The following IFI44 variants were observed in gnomAD, a reference collection of about 807,000 sequenced individuals.
IFI44 encodes the protein interferon-induced protein 44.
IFI44 carries 42 observed loss-of-function variants against 45.0 expected under a neutral mutation model. The ratio of observed to expected loss-of-function variants is 0.93; its 90% confidence interval spans 0.73 to 1.21. The LOEUF (loss-of-function observed/expected upper bound fraction) is 1.21. IFI44 is among the 50% of genes most tolerant of loss of function. The pLI is 0.00. For synonymous variants in IFI44, 221 were observed against 188.6 expected (o/e 1.17, Z -1.41); for missense variants, 623 against 525.8 (o/e 1.18, Z -1.81).
At chr1:78,651,051 G>A (rs1012446228) in intron 2 of IFI44, among the ~76,000 whole-genome samples, 1 of 152,152 alleles carries the variant, frequency 6.6e-6, no homozygotes, top group African/African-American at 2.4e-5. Flanking sequence ...AGAATCCATG[G>A]TGATGTTAAG....
intron 2 of IFI44, among the ~76,000 whole-genome samples, chr1:78,651,978 G>A (rs1647131228): frequency 6.6e-6 from 1 of 152,120 alleles, no homozygotes; most frequent in South Asian, 2.1e-4. Flanking sequence ...CAGAAAAATA[G>A]GCAGGGGTTT....
At chr1:78,651,456 T>C (rs1327169573) in intron 2 of IFI44, among the ~76,000 whole-genome samples, 1 of 152,134 alleles carries the variant, frequency 6.6e-6, no homozygotes, top group Non-Finnish European at 1.5e-5. Context: ...GTTCAGGCTG[T>C]AATATGAGCA....
At position 78,650,350 on chromosome 1, in the gene IFI44, CA is replaced by C; in HGVS notation, c.156del (p.Val53Ter). ...TGTTGTAATCAAGGGCCTACTCTAA[CA>C]GTGATTTATAGTGAAGATCATATTA... ...DRCCNQGPTL[T>X]VIYSEDHIIG... On this transcript the variant is annotated frameshift_variant, in exon 2 of 9. Transcript: ENST00000370747. LOFTEE classifies it high-confidence loss of function. The C allele has an allele frequency of 6.2e-7, 1 of 1,614,042 alleles. No homozygotes were observed. Among genetic ancestry groups the C allele is most frequent in the Non-Finnish European group, 8.5e-7 (1 of 1,179,968 alleles).
chr1:78,657,190 A>G (rs974713414), intron 5 of IFI44, among the ~76,000 whole-genome samples: 1 of 152,076 alleles, frequency 6.6e-6, no homozygotes, highest in Non-Finnish European at 1.5e-5. Context: ...TCAATGTTCA[A>G]ATTTCTAATT....
chr1:78,662,520 T>C (rs753232584), intron 7 of IFI44, 184 bp from the exon 8 acceptor site: 25 of 565,682 alleles, frequency 4.4e-5, no homozygotes, highest in Non-Finnish European at 7.8e-5. Flanking sequence ...ATTACAATTA[T>C]CAGTGACATT....
At chr1:78,656,442 A>G (rs540748835) in intron 5 of IFI44, among the ~76,000 whole-genome samples, 1 of 152,312 alleles carries the variant, frequency 6.6e-6, no homozygotes, top group East Asian at 1.9e-4. Context: ...ATTATGAAAT[A>G]TTTGGGTCAG....
intron 3 of IFI44, among the ~76,000 whole-genome samples, chr1:78,654,785 A>C (rs1647181115): frequency 6.6e-6 from 1 of 152,054 alleles, no homozygotes; most frequent in African/African-American, 2.4e-5. Context: ...TATATGGTCT[A>C]GTAATTTAAA....
In IFI44 at chr1:78,659,398, T is replaced by C; in HGVS notation, c.927T>C (p.Phe309=). Residue 309 remains phenylalanine (F), a synonymous_variant, in exon 6 of 9, where the codon TTT becomes TTC. Coordinates refer to ENST00000370747, the MANE Select transcript of IFI44 (RefSeq NM_006417.5). The part of the protein sequence containing the change: ...SLKDRIHCVA[F]VFDASSIQYF... Reference sequence around the variant, plus strand: ...AGGACAGAATTCATTGTGTGGCATTTGTATTTGATGCCAGCTCTATTCAAT... The same window carrying C: ...AGGACAGAATTCATTGTGTGGCATTCGTATTTGATGCCAGCTCTATTCAAT... 6.2e-7 allele frequency: 1 copy of C among 1,612,150 alleles called. No individual in the cohort carries two copies. The highest frequency in any genetic ancestry group is 8.5e-7 in the Non-Finnish European group (1 of 1,178,300).
At chr1:78,658,704 A>G (rs894566976) in intron 5 of IFI44, among the ~76,000 whole-genome samples, 2 of 152,192 alleles carry the variant, frequency 1.3e-5, no homozygotes, top group African/African-American at 2.4e-5. Flanking sequence ...CTTTTAAAAT[A>G]TGTAACAAAG....
chr1:78,654,359 G>A, intron 3 of IFI44, 80 bp downstream of exon 3: 1 of 737,672 alleles, frequency 1.4e-6, no homozygotes, highest in South Asian at 1.6e-5. Context: ...CAATATAATT[G>A]GCAACACATA....
intron 7 of IFI44, among the ~76,000 whole-genome samples, chr1:78,661,453 A>G (rs1647447547): frequency 6.6e-6 from 1 of 152,100 alleles, no homozygotes; most frequent in Non-Finnish European, 1.5e-5. Flanking sequence ...TTACACTGAC[A>G]TGGGTAAGTT....
Position 78,650,396 on chromosome 1 carries a change from G to T in IFI44, c.201G>T (p.Glu67Asp), listed in dbSNP as rs376696866. The change falls in exon 2 of 9, where the codon GAG becomes GAT. Residue 67 changes from glutamate (E) to aspartate (D), a missense_variant. Transcript: ENST00000370747. Reference sequence around the variant, plus strand: ...ATATTATTGGAGCATATGCAGAAGAGAGTTACCAGGAAGGAAAGTATGCTT... The same window carrying T: ...ATATTATTGGAGCATATGCAGAAGATAGTTACCAGGAAGGAAAGTATGCTT... Reference protein sequence around the residue: ...EDHIIGAYAEESYQEGKYASI... With the variant: ...EDHIIGAYAEDSYQEGKYASI... 6.9e-5 allele frequency: 111 copies of T among 1,613,916 alleles called. No individual in the cohort carries two copies. The highest frequency in any genetic ancestry group is 9.1e-5 in the Non-Finnish European group (107 of 1,179,920).
At chr1:78,663,510 A>G (rs900599675) in intron 8 of IFI44, 1 of 985,164 alleles carries the variant, frequency 1.0e-6, no homozygotes, top group South Asian at 4.7e-5. Context: ...ATCTTATTTT[A>G]GTGCTTGGGA....
At chr1:78,660,947 C>G (rs573710240) in intron 7 of IFI44, among the ~76,000 whole-genome samples, 1 of 152,126 alleles carries the variant, frequency 6.6e-6, no homozygotes, top group Non-Finnish European at 1.5e-5. Flanking sequence ...TAAATAATAT[C>G]TAGATTACTT....
At chr1:78,651,480 G>C (rs74092056) in intron 2 of IFI44, among the ~76,000 whole-genome samples, 30 of 152,184 alleles carry the variant, frequency 2.0e-4, no homozygotes, top group African/African-American at 7.0e-4. Flanking sequence ...GGGAGCAGCT[G>C]TAAATACAGA....
At chr1:78,660,362 C>A (rs894897018) in intron 6 of IFI44, among the ~76,000 whole-genome samples, 192 bp from the exon 7 acceptor site, 1 of 152,082 alleles carries the variant, frequency 6.6e-6, no homozygotes, top group East Asian at 1.9e-4. Flanking sequence ...GGTGACTCCC[C>A]ATGTCAGAGA....
At chr1:78,657,289 C>A (rs937028125) in intron 5 of IFI44, among the ~76,000 whole-genome samples, 2 of 151,900 alleles carry the variant, frequency 1.3e-5, no homozygotes, top group Non-Finnish European at 2.9e-5. Flanking sequence ...GACTTTATAT[C>A]CCTTGCTTTT....
chr1:78,659,311 G>A lies in IFI44; in HGVS notation c.841-1G>A, dbSNP rs187628090. The A allele has an allele frequency of 6.2e-7, 1 of 1,609,200 alleles. No homozygotes were observed. The highest frequency in any genetic ancestry group is 1.3e-5 in the African/African-American group (1 of 74,794). Reference sequence around the variant, plus strand: ...TATCTTGCTTTATGTCTACCTTACAGTTTAATCCCATGGAATCAATCAAAT... The same window carrying A: ...TATCTTGCTTTATGTCTACCTTACAATTTAATCCCATGGAATCAATCAAAT... On this transcript the variant is annotated splice_acceptor_variant, in intron 5 of 8. Coordinates refer to ENST00000370747, the MANE Select transcript of IFI44 (RefSeq NM_006417.5). LOFTEE classifies it high-confidence loss of function.
At chr1:78,650,016 A>C (rs1408575582) in intron 1 of IFI44, 111 bp downstream of exon 1, 1 of 465,496 alleles carries the variant, frequency 2.1e-6, no homozygotes, top group Non-Finnish European at 3.8e-6. Flanking sequence ...TTTAAAAAAC[A>C]ATAATTTATA....
Sources: allele counts gnomAD v4.1 joint callset (sites outside exome capture counted in the v4.1 genomes callset), GRCh38; gene constraint gnomAD v4.1.1; transcripts MANE v1.5; gene names NCBI Gene and HGNC (gene_info 2026-07-23, HGNC 2026-07-21).